The following PEBP4 variants were observed in gnomAD, a reference collection of about 807,000 sequenced individuals.
PEBP4 encodes phosphatidylethanolamine binding protein 4.
Under a neutral mutation model 23.9 loss-of-function variants are expected in PEBP4, and 22 were observed. The observed-to-expected ratio is 0.92, with a 90% CI of 0.66 to 1.31. The LOEUF (loss-of-function observed/expected upper bound fraction) is 1.31, where lower values mean the gene tolerates loss of function less well. Among genes scored for constraint, PEBP4 ranks in the 40% most tolerant of loss-of-function variants. The pLI, the probability that PEBP4 is intolerant of heterozygous loss-of-function variation, is 0.00. For synonymous variants in PEBP4, 112 were observed against 99.3 expected (o/e 1.13, Z -0.76); for missense variants, 324 against 281.7 (o/e 1.15, Z -1.07).
intron 3 of PEBP4, among the ~76,000 whole-genome samples, chr8:22,849,172 T>C (rs1807500939): frequency 6.6e-6 from 1 of 152,240 alleles, no homozygotes; most frequent in Non-Finnish European, 1.5e-5. Context: ...TTCTAATAGA[T>C]GACTTCAGTA....
chr8:22,898,041 C>T (rs1585331168), intron 3 of PEBP4, among the ~76,000 whole-genome samples: 1 of 152,238 alleles, frequency 6.6e-6, no homozygotes, highest in East Asian at 1.9e-4. Flanking sequence ...TCTTCTGGCA[C>T]CTTGATCTCA....
At chr8:22,742,555 G>A (rs1805019700) in intron 4 of PEBP4, among the ~76,000 whole-genome samples, 1 of 152,196 alleles carries the variant, frequency 6.6e-6, no homozygotes, top group Non-Finnish European at 1.5e-5. Context: ...GGGACAGAAG[G>A]GGGATGATGA....
At chr8:22,886,837 G>C (rs1808388005) in intron 3 of PEBP4, 1 of 152,490 alleles carries the variant, frequency 6.6e-6, no homozygotes, top group South Asian at 2.1e-4. Flanking sequence ...GTGGGTGTTT[G>C]AGGGAGCAGT....
rs182039520 is a variant in PEBP4, at chr8:22,800,508, T to C, written c.357+17129A>G. On this transcript the variant is annotated intron_variant, in intron 4 of 6. Transcript: ENST00000256404. The stretch of plus-strand genomic sequence containing the variant: ...CCCTGTCCCCGCTTCAGGCACGTGT[T>C]GTGACTCTTTACTCTTCATGGCAAA... Among the ~76,000 whole-genome samples the C allele has an allele frequency of 3.5e-3, 526 of 152,216 alleles. 3 individuals carry two copies. Among genetic ancestry groups the C allele is most frequent in the African/African-American group, 0.012 (488 of 41,538 alleles).
intron 3 of PEBP4, among the ~76,000 whole-genome samples, chr8:22,823,474 G>A (rs1806904045): frequency 1.3e-5 from 2 of 151,792 alleles, no homozygotes; most frequent in South Asian, 4.1e-4. Context: ...ATACTAGTAT[G>A]TGAAATAAGT....
At chr8:22,759,289 C>T (rs1031148888) in intron 4 of PEBP4, among the ~76,000 whole-genome samples, 3 of 151,490 alleles carry the variant, frequency 2.0e-5, no homozygotes, top group African/African-American at 4.9e-5. Context: ...AGAGGATACC[C>T]GGGGAGTACC....
intron 3 of PEBP4, among the ~76,000 whole-genome samples, chr8:22,826,878 A>C (rs1283500260): frequency 6.6e-6 from 1 of 152,224 alleles, no homozygotes; most frequent in Non-Finnish European, 1.5e-5. Flanking sequence ...GCTAAAAATA[A>C]ACCAAACTTA....
intron 3 of PEBP4, among the ~76,000 whole-genome samples, chr8:22,830,113 T>TTGTGTGTG (rs3060706): frequency 0.021 from 3,032 of 144,216 alleles, 80 homozygotes; most frequent in African/African-American, 0.06. Context: ...GGCTGTGGTT[T>TTGTGTGTG]TGTGTGTGTG....
intron 3 of PEBP4, among the ~76,000 whole-genome samples, chr8:22,864,579 G>A (rs1585312928): frequency 6.6e-6 from 1 of 152,274 alleles, no homozygotes; most frequent in East Asian, 1.9e-4. Context: ...TTGGGGGAGG[G>A]GTGAGGAGAA....
intron 3 of PEBP4, among the ~76,000 whole-genome samples, chr8:22,913,845 C>G (rs1483859402): frequency 6.6e-6 from 1 of 152,206 alleles, no homozygotes; most frequent in African/African-American, 2.4e-5. Flanking sequence ...GGGTCTTGCT[C>G]TGTTGCCCAG....
intron 5 of PEBP4, 122 bp from the exon 6 acceptor site, chr8:22,725,078 A>G (rs1804596720): frequency 1.5e-6 from 1 of 662,102 alleles, no homozygotes; most frequent in East Asian, 2.7e-5. Flanking sequence ...CGGCCCTGCA[A>G]AACATTAGGA....
chr8:22,763,452 T>C (rs1327955719), intron 4 of PEBP4, among the ~76,000 whole-genome samples: 2 of 152,208 alleles, frequency 1.3e-5, no homozygotes, highest in South Asian at 2.1e-4. Context: ...TGGTTTAAAG[T>C]ACGTGTTTAC....
intron 4 of PEBP4, among the ~76,000 whole-genome samples, chr8:22,776,782 C>A (rs1172336046): frequency 1.4e-5 from 2 of 145,080 alleles, no homozygotes; most frequent in Non-Finnish European, 3.0e-5. Flanking sequence ...TTTTTCTGAT[C>A]GGGCATCCGA....
intron 3 of PEBP4, among the ~76,000 whole-genome samples, chr8:22,898,162 C>T (rs1055171682): frequency 1.8e-4 from 28 of 152,040 alleles, no homozygotes; most frequent in African/African-American, 6.5e-4. Flanking sequence ...GAAGCCGAGG[C>T]GGGTGGATCA....
intron 3 of PEBP4, among the ~76,000 whole-genome samples, chr8:22,881,093 G>A (rs1168159272): frequency 1.3e-5 from 2 of 152,240 alleles, no homozygotes; most frequent in Non-Finnish European, 2.9e-5. Context: ...CAGGAGGGAA[G>A]AAGAAGCCAG....
At chr8:22,765,587 A>G (rs1431862080) in intron 4 of PEBP4, among the ~76,000 whole-genome samples, 2 of 152,242 alleles carry the variant, frequency 1.3e-5, no homozygotes, top group African/African-American at 4.8e-5. Context: ...TGCCAAAGCT[A>G]GCATAATAGA....
At chr8:22,741,178 T>A (rs957573655) in intron 4 of PEBP4, among the ~76,000 whole-genome samples, 1 of 152,158 alleles carries the variant, frequency 6.6e-6, no homozygotes, top group African/African-American at 2.4e-5. Context: ...GTCAGGCAAC[T>A]TCCTCGGGTC....
intron 4 of PEBP4, among the ~76,000 whole-genome samples, chr8:22,761,361 C>T (rs1462109668): frequency 1.3e-5 from 2 of 151,924 alleles, no homozygotes; most frequent in African/African-American, 4.8e-5. Flanking sequence ...AGGTCCAAAG[C>T]ATGTGTGGCT....
intron 3 of PEBP4, among the ~76,000 whole-genome samples, chr8:22,893,297 G>A (rs1391988697): frequency 6.6e-6 from 1 of 152,188 alleles, no homozygotes; most frequent in Admixed American, 6.5e-5. Context: ...GGATCAGACT[G>A]CTTTCAGTGA....
Sources: allele counts gnomAD v4.1 joint callset (sites outside exome capture counted in the v4.1 genomes callset), GRCh38; gene constraint gnomAD v4.1.1; transcripts MANE v1.5; gene names NCBI Gene and HGNC (gene_info 2026-07-23, HGNC 2026-07-21).